Variants in USP31 observed in about 807,000 individuals in gnomAD.
USP31 encodes ubiquitin carboxyl-terminal hydrolase 31.
A neutral mutation model predicts 119.4 loss-of-function variants in USP31; 44 were observed. That is an observed-to-expected ratio of 0.37 (90% confidence interval 0.29 to 0.47). The LOEUF (loss-of-function observed/expected upper bound fraction) is 0.47. Ranked by LOEUF, USP31 falls within the 20% of genes least tolerant of loss-of-function variation. The pLI is 0.99. For synonymous variants in USP31, 749 were observed against 705.6 expected, an observed-to-expected ratio of 1.06 and a Z score of -0.97; for missense variants, 1,643 against 1,730.2, an observed-to-expected ratio of 0.95 and a Z score of 0.89.
intron 1 of USP31, among the ~76,000 whole-genome samples, chr16:23,114,322 G>A (rs1902420755): frequency 6.6e-6 from 1 of 152,026 alleles, no homozygotes; most frequent in African/African-American, 2.4e-5. Flanking sequence ...CTGCCAAGAA[G>A]AGCTCTTAGG....
intron 1 of USP31, among the ~76,000 whole-genome samples, chr16:23,135,019 G>T (rs907256282): frequency 6.6e-6 from 1 of 150,988 alleles, no homozygotes; most frequent in Non-Finnish European, 1.5e-5. Flanking sequence ...ATGAAAGGAC[G>T]TTCAACATAT....
At chr16:23,125,155 A>C (rs1902811100) in intron 1 of USP31, among the ~76,000 whole-genome samples, 1 of 152,190 alleles carries the variant, frequency 6.6e-6, no homozygotes. Context: ...TTCACCACTC[A>C]GGTGTAAAGG....
chr16:23,127,379 A>C (rs1292273729), intron 1 of USP31, among the ~76,000 whole-genome samples: 1 of 152,100 alleles, frequency 6.6e-6, no homozygotes, highest in Non-Finnish European at 1.5e-5. Context: ...TGATCGCATC[A>C]CTGAACTCCA....
Position 23,148,978 on chromosome 16 carries a change from G to A in USP31, c.293C>T (p.Pro98Leu). The A allele has an allele frequency of 9.8e-7, 1 of 1,024,546 alleles. No homozygotes were observed. The highest frequency in any genetic ancestry group is 1.2e-6 in the Non-Finnish European group (1 of 850,454). The allele number at this position is 1,024,546 out of a possible 1,614,324, so 63.5% of individuals were successfully genotyped here. A position where few individuals can be genotyped will look rare whatever the true frequency, so the allele number is the denominator to read the frequency against. The change falls in exon 1 of 16, where the codon CCG (proline) becomes CTG (leucine). Residue 98 changes from proline to leucine, a missense_variant. This residue lies in a region of USP31 where 302 missense variants were observed against 262.6 expected (regional missense o/e 1.15). Transcript: ENST00000219689. The part of the protein sequence containing the change: ...GGLRSCFPPG[P>L]AAAPTPPPCP... ...CGGCGGCGGCGTGGGCGCGGCGGCCGGCCCGGGCGGGAAGCAGCTGCGGAG... is the reference window on the plus strand; with the variant it reads ...CGGCGGCGGCGTGGGCGCGGCGGCCAGCCCGGGCGGGAAGCAGCTGCGGAG...
chr16:23,087,204 T>A lies in USP31; in HGVS notation c.1528-18A>T. ...GGACACACCTGCATCAGATGTTAGA[T>A]GAGAATTAAGCCAAATTTTTCTTCA... On this transcript the variant is annotated intron_variant, in intron 8 of 15. Transcript: ENST00000219689. 1 of 1,605,996 alleles carries A rather than the reference T, an allele frequency of 6.2e-7. No individual in the cohort carries two copies. Among genetic ancestry groups the A allele is most frequent in the Non-Finnish European group, 8.5e-7 (1 of 1,177,576 alleles).
At chr16:23,084,432 C>A (rs1901001144) in intron 11 of USP31, among the ~76,000 whole-genome samples, 2 of 152,172 alleles carry the variant, frequency 1.3e-5, no homozygotes, top group Non-Finnish European at 2.9e-5. Flanking sequence ...AACGAAGGAA[C>A]TGAATTATTT....
In USP31 at chr16:23,110,497, G is replaced by T. The variant is rs141465326; in HGVS notation, c.634-2314C>A. On this transcript the variant is annotated intron_variant, in intron 1 of 15. Coordinates refer to ENST00000219689, the MANE Select transcript of USP31 (RefSeq NM_020718.4). ...AGGTCTATTAGACAGAATGGGAGGA[G>T]ATCAAACAGTAAACAGATTAGGCAG... is the stretch of plus-strand genomic sequence containing the variant. Among the ~76,000 whole-genome samples the T allele has an allele frequency of 3.3e-5, 5 of 152,288 alleles. No homozygotes were observed. In the East Asian group the frequency reaches 9.7e-4, roughly 29 times the overall value.
chr16:23,130,983 C>CT (rs1384034785), intron 1 of USP31, among the ~76,000 whole-genome samples: 1 of 152,164 alleles, frequency 6.6e-6, no homozygotes, highest in African/African-American at 2.4e-5. Flanking sequence ...CCTGCATTCT[C>CT]TAACTTGGAG....
At chr16:23,128,519 AAAAT>A (rs1487664430) in intron 1 of USP31, among the ~76,000 whole-genome samples, 1 of 152,248 alleles carries the variant, frequency 6.6e-6, no homozygotes, top group Non-Finnish European at 1.5e-5. Flanking sequence ...TGAAAACTGA[AAAAT>A]AAAGGAGGGG....
At chr16:23,088,201 C>A (rs1901197987) in intron 7 of USP31, among the ~76,000 whole-genome samples, 1 of 152,060 alleles carries the variant, frequency 6.6e-6, no homozygotes, top group South Asian at 2.1e-4. Context: ...CTAGATAGGG[C>A]TGGAAGGTCT....
At chr16:23,114,760 G>T (rs1424365789) in intron 1 of USP31, among the ~76,000 whole-genome samples, 1 of 152,118 alleles carries the variant, frequency 6.6e-6, no homozygotes, top group African/African-American at 2.4e-5. Flanking sequence ...CGTAACTAGG[G>T]CAAAAACCAT....
intron 1 of USP31, among the ~76,000 whole-genome samples, chr16:23,147,520 T>A (rs1024274986): frequency 6.6e-6 from 1 of 152,148 alleles, no homozygotes; most frequent in African/African-American, 2.4e-5. Context: ...TCTTAGTGCA[T>A]CCTAAATGGT....
intron 13 of USP31, among the ~76,000 whole-genome samples, chr16:23,074,561 G>A (rs1900480137): frequency 6.6e-6 from 1 of 152,178 alleles, no homozygotes; most frequent in South Asian, 2.1e-4. Flanking sequence ...CGTGCAGCTG[G>A]TGAAAGGCAG....
At chr16:23,101,347 C>G (rs2141866896) in intron 6 of USP31, among the ~76,000 whole-genome samples, 1 of 152,182 alleles carries the variant, frequency 6.6e-6, no homozygotes, top group South Asian at 2.1e-4. Context: ...AGAAAAAATG[C>G]AGGAGCAACC....
intron 1 of USP31, among the ~76,000 whole-genome samples, chr16:23,126,662 G>C (rs1037482303): frequency 4.6e-5 from 7 of 151,052 alleles, no homozygotes; most frequent in African/African-American, 1.5e-4. Context: ...GGGACTCAGA[G>C]AAGTAAAGGT....
At chr16:23,118,441 AT>A (rs941361552) in intron 1 of USP31, among the ~76,000 whole-genome samples, 7 of 151,620 alleles carry the variant, frequency 4.6e-5, no homozygotes, top group Non-Finnish European at 7.4e-5. Context: ...CCCACTGCTA[AT>A]TTTTTTTTCA....
chr16:23,121,555 A>G (rs1194357960), intron 1 of USP31, among the ~76,000 whole-genome samples: 1 of 152,220 alleles, frequency 6.6e-6, no homozygotes, highest in East Asian at 1.9e-4. Flanking sequence ...GTGAATATAC[A>G]GACAGCAAAC....
rs550765823 is a variant in USP31 at position 23,109,536 on chromosome 16, C to G, written c.634-1353G>C. Among the ~76,000 whole-genome samples the G allele has an allele frequency of 1.4e-3, 206 of 152,232 alleles. 4 individuals carry two copies. Among genetic ancestry groups the G allele is most frequent in the Middle Eastern group, 0.01 (3 of 292 alleles). ...CAAATAATTTATATCAATAATCCCC[C>G]CTCCAGGAGGTAGAGCTTACCACCC... On this transcript the variant is annotated intron_variant, in intron 1 of 15. Coordinates refer to ENST00000219689, the MANE Select transcript of USP31 (RefSeq NM_020718.4).
chr16:23,103,239 A>C (rs1420014922), intron 5 of USP31, among the ~76,000 whole-genome samples: 1 of 152,206 alleles, frequency 6.6e-6, no homozygotes, highest in East Asian at 1.9e-4. Context: ...TCTGACTCTG[A>C]GGCTTTCTCC....
Sources: allele counts gnomAD v4.1 joint callset (sites outside exome capture counted in the v4.1 genomes callset), GRCh38; gene constraint gnomAD v4.1.1; regional missense constraint gnomAD v4.1.1; transcripts MANE v1.5; gene names NCBI Gene and HGNC (gene_info 2026-07-23, HGNC 2026-07-21).